The following TENT5D variants were observed in gnomAD, a reference collection of about 807,000 sequenced individuals.
The protein encoded by TENT5D is terminal nucleotidyltransferase 5D.
For missense variants in TENT5D, 191 were observed against 287.0 expected (o/e 0.67, Z 2.42); for synonymous variants, 103 against 100.6 (o/e 1.02, Z -0.15).
intron 2 of TENT5D, among the ~76,000 whole-genome samples, chrX:80,440,102 C>T (rs1448102286): frequency 3.6e-5 from 4 of 111,766 alleles, no homozygotes; most frequent in African/African-American, 1.3e-4. Context: ...GTTGTCATCA[C>T]TGTTTCTGTA....
At chrX:80,394,823 G>A (rs1445051527) in intron 3 of TENT5D, among the ~76,000 whole-genome samples, 1 of 111,969 alleles carries the variant, frequency 8.9e-6, no homozygotes. Flanking sequence ...ACATCAGGAT[G>A]ATTAGTGTAT....
intron 3 of TENT5D, among the ~76,000 whole-genome samples, chrX:80,395,243 A>G (rs970360496): frequency 7.1e-5 from 8 of 112,178 alleles, no homozygotes; most frequent in African/African-American, 2.6e-4. Flanking sequence ...TATATATGCT[A>G]CATGTTTTTT....
chrX:80,381,648 GTTCAT>G (rs1366472953), intron 3 of TENT5D, among the ~76,000 whole-genome samples: 1 of 111,655 alleles, frequency 9.0e-6, no homozygotes, highest in African/African-American at 3.3e-5. Context: ...TGGATGCTTT[GTTCAT>G]TTCTTTTTAC....
chrX:80,384,886 G>A (rs1930958253), intron 3 of TENT5D, among the ~76,000 whole-genome samples: 1 of 110,312 alleles, frequency 9.1e-6, no homozygotes, highest in Non-Finnish European at 1.9e-5. Flanking sequence ...ACCTCTTCAA[G>A]GAGAACTACA....
intron 2 of TENT5D, among the ~76,000 whole-genome samples, chrX:80,341,332 A>G (rs1929952589): frequency 8.9e-6 from 1 of 112,556 alleles, no homozygotes; most frequent in South Asian, 3.6e-4. Context: ...GCTGGCTTTT[A>G]TATGGGATTT....
At chrX:80,393,778 A>G (rs1198821003) in intron 3 of TENT5D, among the ~76,000 whole-genome samples, 1 of 111,538 alleles carries the variant, frequency 9.0e-6, no homozygotes, top group Non-Finnish European at 1.9e-5. Context: ...ATTATTCTAA[A>G]GTCCCTATAT....
At chrX:80,381,089 G>C (rs189605576) in intron 3 of TENT5D, among the ~76,000 whole-genome samples, 1 of 112,043 alleles carries the variant, frequency 8.9e-6, no homozygotes, top group African/African-American at 3.2e-5. Context: ...TTATGGAGTA[G>C]TTGGTACCAG....
chrX:80,399,164 T>A (rs923876762), intron 3 of TENT5D, among the ~76,000 whole-genome samples: 3 of 111,945 alleles, frequency 2.7e-5, no homozygotes, highest in Non-Finnish European at 5.6e-5. Flanking sequence ...GCTTTGGGGA[T>A]CAAATGTAGA....
In TENT5D at chrX:80,386,403, T is replaced by A. The variant is rs1310557286; in HGVS notation, c.-142+43839T>A. ...GGGGAACATCACACACTGGGGCCTG[T>A]TGTGGGGTGGGAGGAGTGGGGAGGG... On this transcript the variant is annotated intron_variant, in intron 3 of 4. Transcript: ENST00000538312. Among the ~76,000 whole-genome samples the A allele has an allele frequency of 9.1e-5, 10 of 109,731 alleles. No homozygotes were observed. In the East Asian group the frequency reaches 2.3e-3, roughly 25 times the overall value.
exon 2 of TENT5D, chrX:80,438,715 G>A (rs1932228363): frequency 9.1e-6 from 1 of 110,055 alleles, no homozygotes; most frequent in Non-Finnish European, 1.9e-5. Flanking sequence ...TTGCATTCTT[G>A]AAAGCAATCC....
intron 3 of TENT5D, among the ~76,000 whole-genome samples, chrX:80,377,021 T>C (rs867826996): frequency 1.8e-5 from 2 of 110,726 alleles, no homozygotes; most frequent in Non-Finnish European, 3.8e-5. Flanking sequence ...ATTTCCCCAA[T>C]TTTTATTTTT....
intron 3 of TENT5D, among the ~76,000 whole-genome samples, chrX:80,366,967 T>C (rs1053291949): frequency 1.6e-4 from 18 of 111,595 alleles, no homozygotes; most frequent in Non-Finnish European, 2.6e-4. Context: ...ATAGAAAATA[T>C]ATGCATTTTA....
intron 3 of TENT5D, among the ~76,000 whole-genome samples, chrX:80,411,925 A>C (rs1211282106): frequency 8.9e-6 from 1 of 112,011 alleles, no homozygotes; most frequent in African/African-American, 3.2e-5. Context: ...CAGCTCCACT[A>C]GGCAGTACCC....
intron 1 of TENT5D, among the ~76,000 whole-genome samples, chrX:80,429,564 A>G (rs761862610): frequency 6.4e-4 from 71 of 110,227 alleles, no homozygotes; most frequent in Non-Finnish European, 1.2e-3. Flanking sequence ...CGGCCTCCCA[A>G]AGTGCTGGGA....
At chrX:80,353,325 A>G (rs1334771286) in intron 3 of TENT5D, among the ~76,000 whole-genome samples, 1 of 111,883 alleles carries the variant, frequency 8.9e-6, no homozygotes, top group Admixed American at 9.5e-5. Flanking sequence ...GGTTTGTTCA[A>G]TAGATAAATT....
exon 3 of TENT5D, chrX:80,445,170 T>C (rs1932360540): frequency 1.6e-5 from 2 of 122,901 alleles, no homozygotes; most frequent in Non-Finnish European, 3.8e-5. Context: ...TTCTGAGATG[T>C]TTTATACCAC....
intron 3 of TENT5D, among the ~76,000 whole-genome samples, chrX:80,343,420 G>A (rs1929999598): frequency 1.1e-5 from 1 of 92,829 alleles, no homozygotes; most frequent in African/African-American, 4.0e-5. Flanking sequence ...TGTCTGAGAT[G>A]GAATTTCACT....
intron 3 of TENT5D, among the ~76,000 whole-genome samples, chrX:80,392,898 A>G (rs1236094580): frequency 2.7e-5 from 3 of 111,303 alleles, no homozygotes; most frequent in Non-Finnish European, 1.9e-5. Flanking sequence ...GATGCCCATC[A>G]TTTACATGAT....
At chrX:80,443,649 C>A in exon 3 of TENT5D, 1 of 1,206,452 alleles carries the variant, frequency 8.3e-7, no homozygotes, top group Non-Finnish European at 1.1e-6. Flanking sequence ...CTGAGCCACC[C>A]CCCGTTAGCT....
Sources: allele counts gnomAD v4.1 joint callset (sites outside exome capture counted in the v4.1 genomes callset), GRCh38; gene constraint gnomAD v4.1.1; transcripts MANE v1.5; gene names NCBI Gene and HGNC (gene_info 2026-07-23, HGNC 2026-07-21).